PTPRJ: variants seen among roughly 807,000 people sequenced by gnomAD.
PTPRJ encodes receptor-type tyrosine-protein phosphatase eta.
PTPRJ carries 129 observed loss-of-function variants against 141.3 expected under a neutral mutation model. The observed-to-expected ratio is 0.91, with a 90% confidence interval of 0.79 to 1.06. The LOEUF is 1.06. Among genes scored for constraint, PTPRJ ranks in the 50% least tolerant of loss-of-function variants. The probability of loss-of-function intolerance (pLI) is 0.00; values close to 1 mark genes in which losing one functional copy is unlikely to be tolerated. For synonymous variants in PTPRJ, 610 were observed against 640.5 expected, an observed-to-expected ratio of 0.95 and a Z score of 0.72; for missense variants, 1,601 against 1,679.7, an observed-to-expected ratio of 0.95 and a Z score of 0.82.
At position 48,142,987 on chromosome 11, in the gene PTPRJ, A is replaced by T. The variant is rs769703624; in HGVS notation, c.2512A>T (p.Ser838Cys). 6.2e-7 allele frequency: 1 copy of T among 1,614,228 alleles called. No individual in the cohort carries two copies. Among genetic ancestry groups the T allele is most frequent in the Non-Finnish European group, 8.5e-7 (1 of 1,180,020 alleles). ...VSHNSVKVKF[S>C]GFEASHGPIK... The stretch of plus-strand genomic sequence containing the variant: ...TCACAATTCAGTAAAGGTCAAGTTC[A>T]GTGGATTTGAAGCCAGCCACGGACC... The change falls in exon 12 of 25, where the codon AGT becomes TGT. Residue 838 changes from serine to cysteine, a missense_variant. Physicochemically the swap from Ser to Cys is moderately radical, Grantham distance 112. Transcript: ENST00000418331.
intron 1 of PTPRJ, among the ~76,000 whole-genome samples, chr11:47,983,196 T>TC (rs1267705813): frequency 2.0e-5 from 3 of 151,848 alleles, no homozygotes; most frequent in Non-Finnish European, 4.4e-5. Flanking sequence ...TTTTTTTTTT[T>TC]CCCGTGTTTT....
intron 11 of PTPRJ, among the ~76,000 whole-genome samples, chr11:48,141,739 G>A (rs1002614917): frequency 6.6e-6 from 1 of 152,154 alleles, no homozygotes; most frequent in Admixed American, 6.5e-5. Context: ...ATATGGGACT[G>A]GGGGAGAGGA....
intron 1 of PTPRJ, among the ~76,000 whole-genome samples, chr11:48,034,835 G>A (rs1464503439): frequency 6.6e-6 from 1 of 152,194 alleles, no homozygotes; most frequent in Non-Finnish European, 1.5e-5. Context: ...AATGGCGATG[G>A]CCATACTGGT....
intron 1 of PTPRJ, among the ~76,000 whole-genome samples, chr11:48,020,996 T>C (rs563879268): frequency 2.8e-4 from 42 of 152,340 alleles, no homozygotes; most frequent in Non-Finnish European, 5.9e-4. Context: ...TTTATTTTTC[T>C]TACTTTTTTA....
intron 1 of PTPRJ, among the ~76,000 whole-genome samples, chr11:48,100,250 A>T (rs1007402822): frequency 7.9e-5 from 12 of 152,142 alleles, no homozygotes; most frequent in Admixed American, 5.2e-4. Context: ...CAAGACACTG[A>T]CTTGCCCCTC....
At chr11:47,989,729 C>T (rs1197849684) in intron 1 of PTPRJ, among the ~76,000 whole-genome samples, 1 of 152,076 alleles carries the variant, frequency 6.6e-6, no homozygotes, top group Non-Finnish European at 1.5e-5. Context: ...CAAACACATT[C>T]CCCCTCCCCC....
intron 3 of PTPRJ, among the ~76,000 whole-genome samples, chr11:48,115,782 C>A (rs932455974): frequency 6.6e-6 from 1 of 151,958 alleles, no homozygotes; most frequent in Non-Finnish European, 1.5e-5. Flanking sequence ...ATAAACAATT[C>A]ATAATATGAG....
Position 48,115,909 on chromosome 11 carries a change from A to G in PTPRJ, c.352+2926A>G, listed in dbSNP as rs539764949. Among the ~76,000 whole-genome samples the G allele has an allele frequency of 2.0e-4, 31 of 152,304 alleles. No homozygotes were observed. In the South Asian group the frequency reaches 6.4e-3, roughly 32 times the overall value. On this transcript the variant is annotated intron_variant, in intron 3 of 24. Transcript: ENST00000418331. ...TTTTATAAGCCTCATGGTAACCACA[A>G]AGAAGAACCTTTAGTAGATACACAA...
At chr11:48,118,338 G>A (rs1272229308) in intron 3 of PTPRJ, among the ~76,000 whole-genome samples, 3 of 152,106 alleles carry the variant, frequency 2.0e-5, no homozygotes, top group Non-Finnish European at 4.4e-5. Context: ...CCACCACCTT[G>A]GCCTCCCGAA....
At chr11:48,041,001 C>A (rs1854261239) in intron 1 of PTPRJ, among the ~76,000 whole-genome samples, 1 of 152,058 alleles carries the variant, frequency 6.6e-6, no homozygotes, top group South Asian at 2.1e-4. Context: ...GCTGGCTGCA[C>A]CCTCCGTCTG....
At chr11:48,139,441 G>A in intron 10 of PTPRJ, 45 bp from the exon 11 acceptor site, 1 of 1,594,432 alleles carries the variant, frequency 6.3e-7, no homozygotes, top group South Asian at 1.1e-5. Flanking sequence ...TGTTTGCAAA[G>A]GCAAAAGTCC....
rs1856479344 is a variant in PTPRJ at position 48,112,991 on chromosome 11, T to C, written c.352+8T>C. 3.2e-6 allele frequency: 5 copies of C among 1,585,352 alleles called. No homozygotes were observed. The highest frequency in any genetic ancestry group is 4.3e-6 in the Non-Finnish European group (5 of 1,157,488). ...AAACTCCCAGTAGCACTGGTAAGCATAGGCTTTTCTGCCAGTCATGTTTCT... is the reference window on the plus strand; with the variant it reads ...AAACTCCCAGTAGCACTGGTAAGCACAGGCTTTTCTGCCAGTCATGTTTCT... On this transcript the variant is annotated splice_region_variant and intron_variant, in intron 3 of 24. Coordinates refer to ENST00000418331, the MANE Select transcript of PTPRJ (RefSeq NM_002843.4).
intron 1 of PTPRJ, among the ~76,000 whole-genome samples, chr11:48,026,996 C>CTTT (rs1206503872): frequency 2.3e-4 from 26 of 113,232 alleles, no homozygotes; most frequent in Non-Finnish European, 3.2e-4. Flanking sequence ...TTGGAATACC[C>CTTT]TTTTTTTTTT....
chr11:48,043,445 G>A (rs1403166548), intron 1 of PTPRJ, among the ~76,000 whole-genome samples: 1 of 152,148 alleles, frequency 6.6e-6, no homozygotes, highest in East Asian at 1.9e-4. Context: ...GACCTAGGTA[G>A]AGCAAGACCA....
chr11:48,000,140 CTT>C (rs1168869186), intron 1 of PTPRJ, among the ~76,000 whole-genome samples: 41 of 121,260 alleles, frequency 3.4e-4, no homozygotes, highest in Middle Eastern at 5.0e-3. Flanking sequence ...ATGCCTGGCC[CTT>C]TTTTTTTTTT....
chr11:48,088,987 C>T (rs1196673201), intron 1 of PTPRJ, among the ~76,000 whole-genome samples: 1 of 152,208 alleles, frequency 6.6e-6, no homozygotes, highest in African/African-American at 2.4e-5. Flanking sequence ...ATTCAGGTAA[C>T]ACACTTCTAT....
chr11:48,164,825 C>T (rs922306704), intron 24 of PTPRJ, among the ~76,000 whole-genome samples: 23 of 152,022 alleles, frequency 1.5e-4, no homozygotes, highest in South Asian at 4.1e-4. Flanking sequence ...CTCAGTGTCC[C>T]GAAGTGCTGG....
intron 1 of PTPRJ, among the ~76,000 whole-genome samples, chr11:48,033,999 C>A (rs1280190276): frequency 2.0e-5 from 3 of 152,354 alleles, no homozygotes; most frequent in Non-Finnish European, 4.4e-5. Flanking sequence ...CAGGAACTTA[C>A]AAGAGCTTCT....
chr11:48,004,106 T>C (rs1854566050), intron 1 of PTPRJ, among the ~76,000 whole-genome samples: 1 of 152,210 alleles, frequency 6.6e-6, no homozygotes, highest in African/African-American at 2.4e-5. Flanking sequence ...TTTTTAGAGC[T>C]ATATTTTAGC....
Sources: allele counts gnomAD v4.1 joint callset (sites outside exome capture counted in the v4.1 genomes callset), GRCh38; gene constraint gnomAD v4.1.1; transcripts MANE v1.5; gene names NCBI Gene and HGNC (gene_info 2026-07-23, HGNC 2026-07-21).